The following GABRA4 variants were observed in gnomAD, a reference collection of about 807,000 sequenced individuals.
GABRA4 encodes gamma-aminobutyric acid receptor subunit alpha-4.
Under a neutral mutation model 49.7 loss-of-function variants are expected in GABRA4, and 12 were observed. The ratio of observed to expected loss-of-function variants is 0.24; its 90% CI spans 0.15 to 0.39. GABRA4 has a LOEUF of 0.39. Among genes scored for constraint, GABRA4 ranks in the 10% least tolerant of loss-of-function variants. The pLI, the probability that GABRA4 is intolerant of heterozygous loss-of-function variation, is 1.00. For synonymous variants in GABRA4, 288 were observed against 240.2 expected, an observed-to-expected ratio of 1.20 and a Z score of -1.84; for missense variants, 506 against 686.0, an observed-to-expected ratio of 0.74 and a Z score of 2.93.
chr4:46,982,088 T>C (rs921936973), intron 2 of GABRA4, among the ~76,000 whole-genome samples: 2 of 152,242 alleles, frequency 1.3e-5, no homozygotes, highest in African/African-American at 4.8e-5. Flanking sequence ...AAAAGTGGCA[T>C]CTTTTAAGCA....
chr4:46,944,781 C>A (rs1721928265), intron 8 of GABRA4, among the ~76,000 whole-genome samples: 1 of 152,078 alleles, frequency 6.6e-6, no homozygotes, highest in Non-Finnish European at 1.5e-5. Context: ...AAATCAGGAC[C>A]ATTGCATCTT....
intron 8 of GABRA4, among the ~76,000 whole-genome samples, chr4:46,937,078 G>T (rs1024647394): frequency 6.6e-6 from 1 of 152,180 alleles, no homozygotes; most frequent in African/African-American, 2.4e-5. Context: ...GGTGGTTAAG[G>T]TTCAGTGAAG....
intron 2 of GABRA4, among the ~76,000 whole-genome samples, chr4:46,991,380 C>T (rs1723739201): frequency 6.6e-6 from 1 of 152,082 alleles, no homozygotes; most frequent in Non-Finnish European, 1.5e-5. Flanking sequence ...TTAAATGAGA[C>T]CAGATGCCAA....
intron 8 of GABRA4, among the ~76,000 whole-genome samples, chr4:46,959,532 T>C (rs937475868): frequency 6.6e-6 from 1 of 151,616 alleles, no homozygotes; most frequent in African/African-American, 2.4e-5. Context: ...GAAAAAGGAG[T>C]TACTAAATCA....
In GABRA4 at chr4:46,920,570, G is replaced by T. The variant is rs1720987378; in HGVS notation, c.*7655C>A. 1.3e-5 allele frequency: 2 copies of T among 151,492 alleles called. No individual in the cohort carries two copies. Among genetic ancestry groups the T allele is most frequent in the Non-Finnish European group, 3.0e-5 (2 of 67,664 alleles). The allele number at this position is 151,492 out of a possible 1,614,324, so 9.4% of individuals were successfully genotyped here. The stretch of plus-strand genomic sequence containing the variant: ...TTCATATATGATCTGCAAAATTCAA[G>T]GGAGAATTTTTATCAAATTGTGTAA... On this transcript the variant is annotated 3_prime_UTR_variant, in exon 9 of 9. Coordinates refer to ENST00000264318, the MANE Select transcript of GABRA4 (RefSeq NM_000809.4).
intron 2 of GABRA4, among the ~76,000 whole-genome samples, chr4:46,982,970 A>C (rs1205839708): frequency 1.3e-5 from 2 of 151,982 alleles, no homozygotes; most frequent in African/African-American, 4.8e-5. Flanking sequence ...TACAATAATT[A>C]CTATTTATTG....
intron 2 of GABRA4, among the ~76,000 whole-genome samples, chr4:46,991,798 T>A (rs1723755660): frequency 2.0e-5 from 3 of 152,220 alleles, no homozygotes; most frequent in Non-Finnish European, 2.9e-5. Flanking sequence ...AGAGTGGTGA[T>A]GCCTACAAAA....
intron 5 of GABRA4, among the ~76,000 whole-genome samples, chr4:46,975,318 G>C (rs1227219459): frequency 1.3e-5 from 2 of 151,912 alleles, no homozygotes; most frequent in East Asian, 3.9e-4. Context: ...TGTCATTTTA[G>C]CACCATTCAG....
chr4:46,968,116 A>C (rs1375030352), intron 7 of GABRA4, among the ~76,000 whole-genome samples: 1 of 151,618 alleles, frequency 6.6e-6, no homozygotes, highest in African/African-American at 2.4e-5. Context: ...AAGGGAAATA[A>C]GAGTTAGGAA....
intron 8 of GABRA4, among the ~76,000 whole-genome samples, chr4:46,958,660 C>T (rs540741650): frequency 1.1e-4 from 17 of 151,976 alleles, no homozygotes; most frequent in Admixed American, 2.0e-4. Flanking sequence ...CCTTCTGAGA[C>T]GCCCAAAGAC....
intron 8 of GABRA4, among the ~76,000 whole-genome samples, chr4:46,934,528 A>G (rs1721541612): frequency 6.6e-6 from 1 of 152,172 alleles, no homozygotes; most frequent in African/African-American, 2.4e-5. Context: ...TATTGTATTT[A>G]ATTTCCTCCC....
chr4:46,955,864 A>G (rs1577766776), intron 8 of GABRA4, among the ~76,000 whole-genome samples: 1 of 152,116 alleles, frequency 6.6e-6, no homozygotes, highest in South Asian at 2.1e-4. Context: ...CACTAACAAG[A>G]TTAATAGCCT....
chr4:46,971,218 T>C lies in GABRA4; in HGVS notation c.739A>G (p.Thr247Ala), dbSNP rs1371213858. 3 of 1,609,490 alleles carry C rather than the reference T, an allele frequency of 1.9e-6. No homozygotes were observed. Among genetic ancestry groups the C allele is most frequent in the South Asian group, 1.1e-5 (1 of 90,926 alleles). Residue 247 changes from threonine (T) to alanine (A), a missense_variant, in exon 7 of 9, where the codon ACG becomes GCG. Physicochemically the swap from Thr to Ala is moderately conservative, Grantham distance 58. Transcript: ENST00000264318. ...KSITGEYIVM[T>A]VYFHLRRKMG... ...TTCCGTCTGAGGTGGAAGTAAACCG[T>C]CATAACAATATATTCACCTGCCAAG...
rs530410054 is a variant in GABRA4 at position 46,956,013 on chromosome 4, C to A, written c.1134+8957G>T. Among the ~76,000 whole-genome samples the A allele has an allele frequency of 2.0e-5, 3 of 152,156 alleles. No homozygotes were observed. In the South Asian group the frequency reaches 6.2e-4, roughly 32 times the overall value. On this transcript the variant is annotated intron_variant, in intron 8 of 8. Transcript: ENST00000264318. The stretch of plus-strand genomic sequence containing the variant: ...TTCTAATGCTTAGCATATCATTTCT[C>A]TACATATGAAAAATAACCAAACTAA...
intron 8 of GABRA4, among the ~76,000 whole-genome samples, chr4:46,933,537 G>T (rs1721512813): frequency 6.6e-6 from 1 of 152,136 alleles, no homozygotes; most frequent in African/African-American, 2.4e-5. Flanking sequence ...GCAGTTAAAT[G>T]ACACTCAAGT....
At chr4:46,976,677 A>G (rs112553780) in intron 5 of GABRA4, among the ~76,000 whole-genome samples, 3 of 151,510 alleles carry the variant, frequency 2.0e-5, no homozygotes, top group Non-Finnish European at 4.4e-5. Flanking sequence ...CTATCTATGT[A>G]TCTATCTATC....
intron 2 of GABRA4, among the ~76,000 whole-genome samples, chr4:46,983,948 G>A (rs570524833): frequency 6.6e-6 from 1 of 152,172 alleles, no homozygotes; most frequent in South Asian, 2.1e-4. Context: ...AAAGAGCCAA[G>A]ACCAGCAAGA....
chr4:46,931,282 C>T (rs114300060), intron 8 of GABRA4, among the ~76,000 whole-genome samples: 263 of 152,124 alleles, frequency 1.7e-3, no homozygotes, highest in African/African-American at 5.8e-3. Context: ...TGGTAGAGTA[C>T]GTAGAAGTTC....
chr4:46,953,060 T>C (rs12505347), intron 8 of GABRA4, among the ~76,000 whole-genome samples: 15,376 of 152,052 alleles, frequency 0.1, 938 homozygotes, highest in South Asian at 0.23. Context: ...ACGGAGTAAA[T>C]GGAGAAGTAA....
Sources: allele counts gnomAD v4.1 joint callset (sites outside exome capture counted in the v4.1 genomes callset), GRCh38; gene constraint gnomAD v4.1.1; transcripts MANE v1.5; gene names NCBI Gene and HGNC (gene_info 2026-07-23, HGNC 2026-07-21).